PTGFR: variants seen among roughly 807,000 people sequenced by gnomAD.
PTGFR encodes prostaglandin F receptor.
A neutral mutation model predicts 26.2 loss-of-function variants in PTGFR; 15 were observed. The ratio of observed to expected loss-of-function variants is 0.57; its 90% CI spans 0.38 to 0.88. The LOEUF (loss-of-function observed/expected upper bound fraction) is 0.88. Among genes scored for constraint, PTGFR ranks in the 40% least tolerant of loss-of-function variants. The probability of loss-of-function intolerance (pLI) is 0.00; values close to 1 mark genes in which losing one functional copy is unlikely to be tolerated. For synonymous variants in PTGFR, 165 were observed against 151.1 expected (o/e 1.09, Z -0.68); for missense variants, 369 against 427.2 (o/e 0.86, Z 1.20).
intron 2 of PTGFR, among the ~76,000 whole-genome samples, chr1:78,519,360 G>T (rs1353436410): frequency 6.6e-6 from 1 of 152,080 alleles, no homozygotes; most frequent in Admixed American, 6.6e-5. Context: ...ATAGATATTA[G>T]ATAATAGATA....
At chr1:78,511,411 A>G (rs577404578) in intron 2 of PTGFR, among the ~76,000 whole-genome samples, 1 of 152,286 alleles carries the variant, frequency 6.6e-6, no homozygotes, top group African/African-American at 2.4e-5. Flanking sequence ...GCCAAGGCTT[A>G]TGGCTCGTGC....
intron 2 of PTGFR, among the ~76,000 whole-genome samples, chr1:78,527,783 G>C (rs895020831): frequency 9.2e-5 from 14 of 152,232 alleles, no homozygotes; most frequent in African/African-American, 2.6e-4. Flanking sequence ...AATGAGTCAT[G>C]GTTTGTGACC....
chr1:78,531,617 A>G (rs1650508228), intron 2 of PTGFR, among the ~76,000 whole-genome samples: 2 of 152,186 alleles, frequency 1.3e-5, no homozygotes, highest in Admixed American at 6.6e-5. Context: ...ACAAAAGTTC[A>G]TATAAGTTTT....
intron 2 of PTGFR, among the ~76,000 whole-genome samples, chr1:78,526,498 A>T (rs1280287116): frequency 6.6e-6 from 1 of 152,108 alleles, no homozygotes; most frequent in Non-Finnish European, 1.5e-5. Flanking sequence ...ACATCCAGGC[A>T]TCCTAACATT....
At chr1:78,497,552 G>T (rs540394984) in intron 2 of PTGFR, among the ~76,000 whole-genome samples, 7 of 152,186 alleles carry the variant, frequency 4.6e-5, no homozygotes, top group African/African-American at 1.7e-4. Flanking sequence ...TATGGGTAAC[G>T]ATTCTTTTTA....
At chr1:78,505,771 C>A (rs571799208) in intron 2 of PTGFR, among the ~76,000 whole-genome samples, 1 of 152,242 alleles carries the variant, frequency 6.6e-6, no homozygotes, top group African/African-American at 2.4e-5. Context: ...TTTGCATAAA[C>A]GGAATCTTAC....
chr1:78,491,648 T>A (rs959361055), intron 1 of PTGFR, among the ~76,000 whole-genome samples: 5 of 152,210 alleles, frequency 3.3e-5, no homozygotes, highest in Non-Finnish European at 5.9e-5. Context: ...GGAGGGAATG[T>A]TGCGAGGCCA....
Position 78,492,875 on chromosome 1 carries a change from C to T in PTGFR, c.132C>T (p.Asn44=). The T allele has an allele frequency of 6.2e-7, 1 of 1,614,226 alleles. No homozygotes were observed. Residue 44 remains asparagine, a synonymous_variant, in exon 2 of 3, where the codon AAC becomes AAT. Transcript: ENST00000370757. ...VIFMTVGILS[N]SLAIAILMKA... ...TCATGACAGTGGGAATCTTGTCAAA[C>T]AGCCTTGCCATCGCCATTCTCATGA...
chr1:78,516,905 A>C (rs1650101308), intron 2 of PTGFR, among the ~76,000 whole-genome samples: 1 of 152,194 alleles, frequency 6.6e-6, no homozygotes, highest in East Asian at 1.9e-4. Flanking sequence ...AGCCAGTTCC[A>C]GAATGTTGAT....
rs1008381209 is a variant in PTGFR, at chr1:78,537,751, C to G, written c.*1064C>G. The G allele has an allele frequency of 6.6e-6, 1 of 152,088 alleles. No individual in the cohort carries two copies. Among genetic ancestry groups the G allele is most frequent in the Non-Finnish European group, 1.5e-5 (1 of 68,006 alleles). The allele number at this position is 152,088 out of a possible 1,614,324, so 9.4% of individuals were successfully genotyped here. On this transcript the variant is annotated 3_prime_UTR_variant, in exon 3 of 3. Coordinates refer to ENST00000370757, the MANE Select transcript of PTGFR (RefSeq NM_000959.4). ...ATGGCATATTCTAAAGCCTGTGCTA[C>G]CAGTACTAAGAGGGGAAGACTGGCA...
At chr1:78,521,623 T>G (rs1279882651) in intron 2 of PTGFR, among the ~76,000 whole-genome samples, 2 of 152,168 alleles carry the variant, frequency 1.3e-5, no homozygotes, top group African/African-American at 4.8e-5. Flanking sequence ...CAATTGTTTA[T>G]TGAGTCTAAT....
chr1:78,497,191 A>G (rs1649574735), intron 2 of PTGFR, among the ~76,000 whole-genome samples: 1 of 152,182 alleles, frequency 6.6e-6, no homozygotes, highest in African/African-American at 2.4e-5. Flanking sequence ...CAAACATAAC[A>G]TTTGTTTAAA....
In PTGFR at chr1:78,538,615, T is replaced by C. The variant is rs1650716169; in HGVS notation, c.*1928T>C. ...AAATTATAGAAAACAAATGCAACAA[T>C]GTGCACATCTGACTTAAGAGTTTCA... On this transcript the variant is annotated 3_prime_UTR_variant, in exon 3 of 3. Transcript: ENST00000370757. The C allele has an allele frequency of 6.6e-6, 1 of 151,994 alleles. No homozygotes were observed. The highest frequency in any genetic ancestry group is 1.5e-5 in the Non-Finnish European group (1 of 67,958). 9.4% of individuals were successfully genotyped at this position (151,994 alleles called of 1,614,324 possible). A position where few individuals can be genotyped will look rare whatever the true frequency, so the allele number is the denominator to read the frequency against.
intron 2 of PTGFR, among the ~76,000 whole-genome samples, chr1:78,515,187 G>A (rs1047585348): frequency 6.6e-6 from 1 of 152,056 alleles, no homozygotes; most frequent in Non-Finnish European, 1.5e-5. Flanking sequence ...GTCAATTAAA[G>A]CACACTGGAA....
chr1:78,529,232 C>T (rs764492906), intron 2 of PTGFR, among the ~76,000 whole-genome samples: 7 of 152,110 alleles, frequency 4.6e-5, no homozygotes, highest in Middle Eastern at 3.2e-3. Flanking sequence ...GCTATTAAAA[C>T]GACGTTGCCA....
At chr1:78,516,456 T>G (rs190624041) in intron 2 of PTGFR, among the ~76,000 whole-genome samples, 1 of 152,186 alleles carries the variant, frequency 6.6e-6, no homozygotes, top group Non-Finnish European at 1.5e-5. Context: ...AAAGTAAACC[T>G]TAAAAGGAGG....
intron 2 of PTGFR, among the ~76,000 whole-genome samples, chr1:78,494,229 C>A (rs1343907080): frequency 6.6e-6 from 1 of 152,156 alleles, no homozygotes; most frequent in Non-Finnish European, 1.5e-5. Flanking sequence ...CTGTTAGAAA[C>A]AAACATAAAT....
chr1:78,529,799 G>A (rs1650460368), intron 2 of PTGFR, among the ~76,000 whole-genome samples: 1 of 152,216 alleles, frequency 6.6e-6, no homozygotes. Flanking sequence ...TAGGATGTGA[G>A]TGGCAGGTGA....
At chr1:78,518,567 GACAC>G (rs57447321) in intron 2 of PTGFR, among the ~76,000 whole-genome samples, 9,202 of 137,650 alleles carry the variant, frequency 0.067, 279 homozygotes, top group East Asian at 0.12. Context: ...CAGTATAAAA[GACAC>G]ACACACACAC....
Sources: gnomAD v4.1 joint callset for allele counts (sites outside exome capture counted in the v4.1 genomes callset) on GRCh38, gnomAD v4.1.1 for gene constraint, MANE v1.5 for transcripts, NCBI Gene and HGNC (gene_info 2026-07-23, HGNC 2026-07-21) for gene names.